TRPC4AP: variants seen among roughly 807,000 people sequenced by gnomAD.
TRPC4AP encodes short transient receptor potential channel 4-associated protein.
In TRPC4AP, 45 loss-of-function variants were observed where a neutral mutation model predicts 99.0. The observed-to-expected ratio is 0.45, with a 90% CI of 0.36 to 0.58. The LOEUF is 0.58. Ranked by LOEUF, TRPC4AP falls within the 20% of genes least tolerant of loss-of-function variation. The pLI is 0.00. For synonymous variants in TRPC4AP, 408 were observed against 385.8 expected (o/e 1.06, Z -0.67); for missense variants, 879 against 985.3 (o/e 0.89, Z 1.44).
rs140848050 is a variant in TRPC4AP at position 35,003,023 on chromosome 20, T to C, written c.*123A>G. The C allele has an allele frequency of 2.0e-4, 276 of 1,411,776 alleles. 1 individual carries two copies. In the African/African-American group the frequency reaches 3.2e-3, roughly 17 times the overall value. The allele number at this position is 1,411,776 out of a possible 1,614,324, so 87.5% of individuals were successfully genotyped here. On this transcript the variant is annotated 3_prime_UTR_variant, in exon 19 of 19. Coordinates refer to ENST00000252015, the MANE Select transcript of TRPC4AP (RefSeq NM_015638.3). ...TCTAGGACTTCCCTCCCACCAAGCC[T>C]GTACCCAAAGACCTGGGGCAGGCAG...
At chr20:35,078,009 GC>G in intron 2 of TRPC4AP, 36 bp downstream of exon 2, 2 of 1,564,428 alleles carry the variant, frequency 1.3e-6, no homozygotes, top group South Asian at 2.4e-5. Flanking sequence ...TCACCTAGAG[GC>G]CCTGAATACG....
Position 35,004,439 on chromosome 20 carries a change from GTC to G in TRPC4AP, c.2049+17_2049+18del, listed in dbSNP as rs1569075235. On this transcript the variant is annotated intron_variant, in intron 17 of 18. Coordinates refer to ENST00000252015, the MANE Select transcript of TRPC4AP (RefSeq NM_015638.3). Reference sequence around the variant, plus strand: ...TTCCAATCGACCTTCCCTGCTGTGTGTCTGCCGGGGCCTCTCACCTGGGTCAG... The same window carrying G: ...TTCCAATCGACCTTCCCTGCTGTGTGTGCCGGGGCCTCTCACCTGGGTCAG... The G allele has an allele frequency of 6.2e-7, 1 of 1,602,832 alleles. No individual in the cohort carries two copies. The highest frequency in any genetic ancestry group is 1.7e-5 in the Admixed American group (1 of 59,110).
At position 35,003,161 on chromosome 20, in the gene TRPC4AP, G is replaced by A. The variant is rs770713085; in HGVS notation, c.2379C>T (p.Asp793=). The part of the protein sequence containing the change: ...IEEPYMDIDR[D]FTEE ...TGGCCCAAGGTCACTCCTCAGTGAA[G>A]TCCCTGTCTATGTCCATGTAGGGCT... Residue 793 remains aspartate (D), a synonymous_variant, in exon 19 of 19, where the codon GAC becomes GAT. Transcript: ENST00000252015. The A allele has an allele frequency of 6.2e-7, 1 of 1,614,210 alleles. No homozygotes were observed. The highest frequency in any genetic ancestry group is 8.5e-7 in the Non-Finnish European group (1 of 1,180,016).
intron 6 of TRPC4AP, among the ~76,000 whole-genome samples, chr20:35,047,990 A>G (rs2083599223): frequency 6.6e-6 from 1 of 152,170 alleles, no homozygotes; most frequent in Non-Finnish European, 1.5e-5. Context: ...ATTTATCAGT[A>G]GTATACAAGT....
intron 8 of TRPC4AP, among the ~76,000 whole-genome samples, chr20:35,023,175 A>G (rs947714361): frequency 2.0e-5 from 3 of 152,196 alleles, no homozygotes; most frequent in Non-Finnish European, 2.9e-5. Context: ...AGTTAAGAGC[A>G]CTGACCCTGA....
chr20:35,034,945 A>G (rs545461400), intron 8 of TRPC4AP, among the ~76,000 whole-genome samples, 178 bp downstream of exon 8: 80 of 152,266 alleles, frequency 5.3e-4, no homozygotes, highest in African/African-American at 1.9e-3. Context: ...GGGGAGTTCA[A>G]TGAAGTTTCT....
At chr20:35,023,801 G>A (rs2082948602) in intron 8 of TRPC4AP, among the ~76,000 whole-genome samples, 1 of 152,208 alleles carries the variant, frequency 6.6e-6, no homozygotes, top group Admixed American at 6.5e-5. Flanking sequence ...TGCAAGCAGT[G>A]GGCACAGTGT....
At chr20:35,008,593 T>A (rs1455904635) in intron 13 of TRPC4AP, 71 bp downstream of exon 13, 1 of 1,363,284 alleles carries the variant, frequency 7.3e-7, no homozygotes, top group African/African-American at 1.4e-5. Flanking sequence ...AAAGGAGGTA[T>A]TCCTAACCTC....
chr20:35,038,654 T>C (rs2083379108), intron 7 of TRPC4AP, among the ~76,000 whole-genome samples: 1 of 152,204 alleles, frequency 6.6e-6, no homozygotes, highest in Non-Finnish European at 1.5e-5. Flanking sequence ...TGGGCATGTA[T>C]AGAATATTTT....
chr20:35,082,100 T>C (rs1338814913), intron 1 of TRPC4AP, among the ~76,000 whole-genome samples: 1 of 152,148 alleles, frequency 6.6e-6, no homozygotes, highest in African/African-American at 2.4e-5. Context: ...TTTGAAAATA[T>C]CTAATAAAAA....
intron 10 of TRPC4AP, among the ~76,000 whole-genome samples, chr20:35,015,247 C>T (rs1467822952): frequency 2.6e-5 from 4 of 151,986 alleles, no homozygotes; most frequent in African/African-American, 9.7e-5. Context: ...GTGATCTGCC[C>T]GCCTTGGCCT....
At chr20:35,019,891 T>C (rs540086541) in intron 9 of TRPC4AP, among the ~76,000 whole-genome samples, 7 of 152,028 alleles carry the variant, frequency 4.6e-5, no homozygotes, top group Non-Finnish European at 1.0e-4. Flanking sequence ...GTGTAGGTAA[T>C]CAATCCAAGT....
chr20:35,047,649 G>A (rs765428682), intron 6 of TRPC4AP, among the ~76,000 whole-genome samples: 1 of 152,142 alleles, frequency 6.6e-6, no homozygotes, highest in African/African-American at 2.4e-5. Flanking sequence ...CACCAAGAAC[G>A]ACCACCAGTA....
chr20:35,086,517 GTGTATA>G (rs2084872597), intron 1 of TRPC4AP, among the ~76,000 whole-genome samples: 1 of 36,664 alleles, frequency 2.7e-5, no homozygotes, highest in African/African-American at 7.5e-5. Context: ...ATGTGTGTGT[GTGTATA>G]TATGTGTGTG....
chr20:35,032,502 C>T (rs1443943746), intron 8 of TRPC4AP, among the ~76,000 whole-genome samples: 11 of 132,656 alleles, frequency 8.3e-5, no homozygotes, highest in Non-Finnish European at 1.6e-4. Context: ...GACAGAGTCT[C>T]GCACTGTCGC....
chr20:35,091,049 G>A (rs2085048512), intron 1 of TRPC4AP, among the ~76,000 whole-genome samples: 1 of 149,928 alleles, frequency 6.7e-6, no homozygotes, highest in African/African-American at 2.5e-5. Flanking sequence ...GTATTTCTAG[G>A]ATTTTTTTTT....
rs1348766226 is a variant in TRPC4AP, at chr20:35,024,734, T to C, written c.1052-3378A>G. On this transcript the variant is annotated intron_variant, in intron 8 of 18. Coordinates refer to ENST00000252015, the MANE Select transcript of TRPC4AP (RefSeq NM_015638.3). The stretch of plus-strand genomic sequence containing the variant: ...TTTCCAGCTACTCGGGAGGCTGAGG[T>C]AGAAGGATGGCTGAGCCTGGGAGGT... 2.8e-5 allele frequency among the ~76,000 whole-genome samples: 4 copies of C among 142,994 alleles called. No homozygotes were observed. In the Admixed American group the frequency reaches 3.0e-4, roughly 11 times the overall value. 93.8% of individuals were successfully genotyped at this position (142,994 alleles called of 152,430 possible).
chr20:35,036,716 G>C (rs1195123141), intron 7 of TRPC4AP, among the ~76,000 whole-genome samples: 1 of 151,862 alleles, frequency 6.6e-6, no homozygotes, highest in Non-Finnish European at 1.5e-5. Context: ...GGAGGCCAAG[G>C]TGGGTGGATC....
intron 14 of TRPC4AP, among the ~76,000 whole-genome samples, chr20:35,006,948 G>A (rs778774213): frequency 6.6e-6 from 1 of 152,226 alleles, no homozygotes; most frequent in Non-Finnish European, 1.5e-5. Context: ...AGTAAATGAA[G>A]GACAGAATTT....
Sources: gnomAD v4.1 joint callset for allele counts (sites outside exome capture counted in the v4.1 genomes callset) on GRCh38, gnomAD v4.1.1 for gene constraint, MANE v1.5 for transcripts, NCBI Gene and HGNC (gene_info 2026-07-23, HGNC 2026-07-21) for gene names.